SLFN12: variants seen among roughly 807,000 people sequenced by gnomAD.
The protein encoded by SLFN12 is ribonuclease SLFN12.
Under a neutral mutation model 29.1 loss-of-function variants are expected in SLFN12, and 25 were observed. The ratio of observed to expected loss-of-function variants is 0.86; its 90% CI spans 0.63 to 1.20. The LOEUF (loss-of-function observed/expected upper bound fraction) is 1.20. Ranked by LOEUF, SLFN12 falls within the 50% of genes most tolerant of loss-of-function variation. The probability of loss-of-function intolerance (pLI) is 0.00; values close to 1 mark genes in which losing one functional copy is unlikely to be tolerated. For missense variants in SLFN12, 660 were observed against 666.2 expected, an observed-to-expected ratio of 0.99 and a Z score of 0.10; for synonymous variants, 257 against 238.7, an observed-to-expected ratio of 1.08 and a Z score of -0.71.
rs1911008740 is a variant in SLFN12 at position 35,411,579 on chromosome 17, TAGA to T, written c.1493_1495del (p.Phe498del). 1.9e-6 allele frequency: 3 copies of T among 1,613,968 alleles called. No individual in the cohort carries two copies. The highest frequency in any genetic ancestry group is 3.3e-4 in the Middle Eastern group (2 of 6,084). The stretch of plus-strand genomic sequence containing the variant: ...GCTTGTCATGCCTTCAGGGCTCAAG[TAGA>T]AGATCTTTGTCATGACACACACTTT... On this transcript the variant is annotated inframe_deletion, in exon 4 of 4. Coordinates refer to ENST00000304905, the MANE Select transcript of SLFN12 (RefSeq NM_018042.5).
chr17:35,411,557 T>G lies in SLFN12; in HGVS notation c.1518A>C (p.Thr506=), dbSNP rs139336655. Residue 506 remains threonine, a synonymous_variant, in exon 4 of 4, where the codon ACA becomes ACC. Coordinates refer to ENST00000304905, the MANE Select transcript of SLFN12 (RefSeq NM_018042.5). The part of the protein sequence containing the change: ...KIFYLSPEGM[T]SCQYDLRSQV... The stretch of plus-strand genomic sequence containing the variant: ...GCGACCTTAAATCATACTGGCAGCT[T>G]GTCATGCCTTCAGGGCTCAAGTAGA... 144 of 1,614,126 alleles carry G rather than the reference T, an allele frequency of 8.9e-5. No homozygotes were observed. In the African/African-American group the frequency reaches 1.9e-3, roughly 21 times the overall value.
At chr17:35,421,621 C>T (rs962193411) in intron 2 of SLFN12, among the ~76,000 whole-genome samples, 1 of 145,878 alleles carries the variant, frequency 6.9e-6, no homozygotes, top group African/African-American at 2.6e-5. Flanking sequence ...CCCACTGCAA[C>T]CTCCGCCACC....
intron 1 of SLFN12, among the ~76,000 whole-genome samples, chr17:35,426,680 C>T (rs1912036772): frequency 6.6e-6 from 1 of 152,092 alleles, no homozygotes; most frequent in African/African-American, 2.4e-5. Flanking sequence ...GAAAAAACAG[C>T]GATCTCTCAC....
intron 1 of SLFN12, among the ~76,000 whole-genome samples, chr17:35,425,502 A>G (rs1319722363): frequency 6.6e-6 from 1 of 152,108 alleles, no homozygotes; most frequent in Non-Finnish European, 1.5e-5. Context: ...TCTACAAATA[A>G]GTGAAATCAT....
In SLFN12 at chr17:35,426,439, TAA is replaced by T. The variant is rs1485076631; in HGVS notation, c.-40-3373_-40-3372del. Among the ~76,000 whole-genome samples, 3 of 152,246 alleles carry T rather than the reference TAA, an allele frequency of 2.0e-5. No homozygotes were observed. The East Asian group carries it at 5.8e-4, about 29-fold the overall frequency. On this transcript the variant is annotated intron_variant, in intron 1 of 3. Transcript: ENST00000304905. ...GTTTTATAATTTCAGCTATTACATC[TAA>T]GTCTTTAATCCATGTTGAGTTGATT...
At chr17:35,416,700 A>C (rs1184327235) in intron 3 of SLFN12, among the ~76,000 whole-genome samples, 1 of 152,150 alleles carries the variant, frequency 6.6e-6, no homozygotes, top group Non-Finnish European at 1.5e-5. Flanking sequence ...ATTCCTTAAA[A>C]ATATCTTACC....
intron 2 of SLFN12, 126 bp downstream of exon 2, chr17:35,421,864 C>T (rs1014045771): frequency 3.1e-6 from 4 of 1,276,510 alleles, no homozygotes; most frequent in Non-Finnish European, 4.2e-6. Context: ...TTGATTGTAT[C>T]CACCAGGGAT....
rs1458268784 is a variant in SLFN12 at position 35,422,846 on chromosome 17, A to G, written c.183T>C (p.Ala61=). ...LLNSGGGVIK[A]EIENEDYSYT... ...AACTATAGTCTTCATTCTCAATTTC[A>G]GCCTTGATCACTCCCCCTCCAGAAT... Residue 61 remains alanine (A), a synonymous_variant, in exon 2 of 4, where the codon GCT becomes GCC. Coordinates refer to ENST00000304905, the MANE Select transcript of SLFN12 (RefSeq NM_018042.5). 8.7e-6 allele frequency: 14 copies of G among 1,613,848 alleles called. No individual in the cohort carries two copies. The highest frequency in any genetic ancestry group is 5.3e-5 in the African/African-American group (4 of 74,914).
At chr17:35,413,071 A>G (rs1447682504) in intron 3 of SLFN12, among the ~76,000 whole-genome samples, 1 of 151,654 alleles carries the variant, frequency 6.6e-6, no homozygotes, top group Non-Finnish European at 1.5e-5. Flanking sequence ...AACTCAATAA[A>G]AAAAAAAAAG....
At chr17:35,415,445 T>C (rs1001307550) in intron 3 of SLFN12, among the ~76,000 whole-genome samples, 2 of 152,046 alleles carry the variant, frequency 1.3e-5, no homozygotes, top group African/African-American at 4.8e-5. Flanking sequence ...ATTCTAGACG[T>C]TGGCTTAGGC....
At position 35,422,488 on chromosome 17, in the gene SLFN12, C is replaced by G. The variant is rs1391000245; in HGVS notation, c.541G>C (p.Ala181Pro). The G allele has an allele frequency of 6.2e-7, 1 of 1,612,994 alleles. No individual in the cohort carries two copies. The highest frequency in any genetic ancestry group is 1.3e-5 in the African/African-American group (1 of 74,820). The change falls in exon 2 of 4, where the codon GCC becomes CCC. Residue 181 changes from alanine to proline, a missense_variant. By Grantham distance (27) the Ala-to-Pro change is conservative (BLOSUM62 -1). Coordinates refer to ENST00000304905, the MANE Select transcript of SLFN12 (RefSeq NM_018042.5). The stretch of plus-strand genomic sequence containing the variant: ...TCTGTTCTATCAAAAAAAACCCCGG[C>G]CAAGGCCTTCATGTTATTTTCTTCT... The part of the protein sequence containing the change: ...IQEENNMKAL[A>P]GVFFDRTELD...
At chr17:35,414,420 A>G (rs1911203999) in intron 3 of SLFN12, among the ~76,000 whole-genome samples, 1 of 152,122 alleles carries the variant, frequency 6.6e-6, no homozygotes, top group Non-Finnish European at 1.5e-5. Flanking sequence ...AAAGATTTCT[A>G]TACTGATATC....
At position 35,419,743 on chromosome 17, in the gene SLFN12, C is replaced by T. The variant is rs753431477; in HGVS notation, c.1147+531G>A. On this transcript the variant is annotated intron_variant, in intron 3 of 3. Transcript: ENST00000304905. ...ATCTTATTACTTGAATATTCACACACCTCCTGAGCCAACAATTCTACTCCT... is the reference window on the plus strand; with the variant it reads ...ATCTTATTACTTGAATATTCACACATCTCCTGAGCCAACAATTCTACTCCT... Among the ~76,000 whole-genome samples the T allele has an allele frequency of 2.8e-4, 42 of 152,136 alleles. 1 individual carries two copies. The highest frequency in any genetic ancestry group is 1.9e-3 in the Admixed American group (29 of 15,274).
chr17:35,424,353 A>T (rs9915307), intron 1 of SLFN12, among the ~76,000 whole-genome samples: 1,780 of 152,024 alleles, frequency 0.012, 39 homozygotes, highest in African/African-American at 0.04. Flanking sequence ...TTAACTTTTT[A>T]AAAAAAGTGT....
chr17:35,416,332 G>A (rs1911307990), intron 3 of SLFN12, among the ~76,000 whole-genome samples: 1 of 152,050 alleles, frequency 6.6e-6, no homozygotes, highest in Non-Finnish European at 1.5e-5. Context: ...ATGATACAAA[G>A]GACTTTGGGG....
intron 3 of SLFN12, among the ~76,000 whole-genome samples, chr17:35,416,548 A>G (rs985913622): frequency 6.6e-6 from 1 of 152,176 alleles, no homozygotes; most frequent in African/African-American, 2.4e-5. Context: ...AAAAGCATAC[A>G]TTTTAAAAGT....
At chr17:35,414,982 T>G (rs1387338065) in intron 3 of SLFN12, among the ~76,000 whole-genome samples, 1 of 151,706 alleles carries the variant, frequency 6.6e-6, no homozygotes, top group Admixed American at 6.6e-5. Context: ...CAAAATACCA[T>G]CATCATTCTT....
chr17:35,419,611 G>C (rs1303651630), intron 3 of SLFN12, among the ~76,000 whole-genome samples: 2 of 152,068 alleles, frequency 1.3e-5, no homozygotes, highest in Non-Finnish European at 2.9e-5. Flanking sequence ...TCAAGAGAAG[G>C]ACAACCATAA....
At chr17:35,419,292 A>G (rs548672952) in intron 3 of SLFN12, among the ~76,000 whole-genome samples, 4 of 152,254 alleles carry the variant, frequency 2.6e-5, no homozygotes, top group Non-Finnish European at 5.9e-5. Flanking sequence ...TAAAACTACT[A>G]CTTATGAGAG....
Sources: allele counts gnomAD v4.1 joint callset (sites outside exome capture counted in the v4.1 genomes callset), GRCh38; gene constraint gnomAD v4.1.1; transcripts MANE v1.5; gene names NCBI Gene and HGNC (gene_info 2026-07-23, HGNC 2026-07-21).